The following GLI2 variants were observed in gnomAD, a reference collection of about 807,000 sequenced individuals.
GLI2 encodes the protein GLI family zinc finger 2.
A neutral mutation model predicts 78.9 loss-of-function variants in GLI2; 22 were observed. The observed-to-expected ratio is 0.28, with a 90% CI of 0.20 to 0.40. The LOEUF is 0.40. GLI2 is among the 10% of genes least tolerant of loss of function. The pLI, the probability that GLI2 is intolerant of heterozygous loss-of-function variation, is 1.00. For synonymous variants in GLI2, 974 were observed against 963.7 expected, an observed-to-expected ratio of 1.01 and a Z score of -0.20; for missense variants, 2,097 against 2,213.2, an observed-to-expected ratio of 0.95 and a Z score of 1.05.
At chr2:120,798,985 C>A (rs1469132059) in intron 2 of GLI2, among the ~76,000 whole-genome samples, 4 of 152,232 alleles carry the variant, frequency 2.6e-5, no homozygotes, top group Non-Finnish European at 4.4e-5. Flanking sequence ...CCACACCCTG[C>A]CTCTCCAAGC....
chr2:120,793,776 C>T (rs576535087), intron 1 of GLI2, among the ~76,000 whole-genome samples: 3 of 152,270 alleles, frequency 2.0e-5, no homozygotes, highest in South Asian at 4.1e-4. Flanking sequence ...GAATAAATGC[C>T]CCTCCTCCCT....
At chr2:120,859,370 G>A (rs1274897587) in intron 2 of GLI2, among the ~76,000 whole-genome samples, 1 of 152,118 alleles carries the variant, frequency 6.6e-6, no homozygotes, top group African/African-American at 2.4e-5. Flanking sequence ...TTGAAGGAAG[G>A]GCTGTTTCCT....
At chr2:120,918,366 A>G (rs1679198619) in intron 2 of GLI2, among the ~76,000 whole-genome samples, 1 of 151,908 alleles carries the variant, frequency 6.6e-6, no homozygotes, top group African/African-American at 2.4e-5. Context: ...GACCCTTGTC[A>G]CATCTGCTCA....
intron 5 of GLI2, among the ~76,000 whole-genome samples, chr2:120,967,722 C>T (rs1410077872): frequency 6.6e-6 from 1 of 152,234 alleles, no homozygotes; most frequent in Non-Finnish European, 1.5e-5. Flanking sequence ...GATGTGTGCA[C>T]CTGCGTACAT....
At chr2:120,968,325 A>G (rs1681957506) in intron 5 of GLI2, among the ~76,000 whole-genome samples, 1 of 152,156 alleles carries the variant, frequency 6.6e-6, no homozygotes, top group South Asian at 2.1e-4. Context: ...CTGGCTTCCC[A>G]GGTGGGCTAA....
intron 1 of GLI2, among the ~76,000 whole-genome samples, chr2:120,792,683 C>T (rs978040278): frequency 7.9e-5 from 12 of 152,276 alleles, no homozygotes; most frequent in East Asian, 7.7e-4. Context: ...AGTGCAGTGG[C>T]GCGGTCTTGC....
chr2:120,853,641 C>T (rs914519852), intron 2 of GLI2, among the ~76,000 whole-genome samples: 2 of 152,204 alleles, frequency 1.3e-5, no homozygotes, highest in Non-Finnish European at 2.9e-5. Context: ...TCATACTTTC[C>T]TTCATTTTCC....
At chr2:120,828,974 AG>A (rs1032526241) in intron 2 of GLI2, among the ~76,000 whole-genome samples, 9 of 151,956 alleles carry the variant, frequency 5.9e-5, no homozygotes, top group African/African-American at 1.9e-4. Flanking sequence ...AGAAACACAC[AG>A]CACTTGCTCC....
At chr2:120,762,842 C>T (rs1683254307) in intron 1 of GLI2, among the ~76,000 whole-genome samples, 1 of 152,196 alleles carries the variant, frequency 6.6e-6, no homozygotes, top group African/African-American at 2.4e-5. Context: ...CACCTGAGGG[C>T]CCTTGGTTCA....
chr2:120,771,234 C>G (rs895373658), intron 1 of GLI2, among the ~76,000 whole-genome samples: 4 of 152,198 alleles, frequency 2.6e-5, no homozygotes, highest in Non-Finnish European at 5.9e-5. Context: ...AGGACCCTTC[C>G]CTGTGTCGCT....
intron 2 of GLI2, among the ~76,000 whole-genome samples, chr2:120,898,043 G>T (rs1481580668): frequency 6.6e-6 from 1 of 152,020 alleles, no homozygotes; most frequent in Non-Finnish European, 1.5e-5. Context: ...GTGATTTTCA[G>T]TGAAGGGGGA....
rs1305489595 is a variant in GLI2, at chr2:120,800,937, CAG to C, written c.148+3470_148+3471del. ...GAAACAGCCAAATCCTGCAAGCTGT[CAG>C]GGGCTGTTTCCTGGCATCTGTAAGG... On this transcript the variant is annotated intron_variant, in intron 2 of 13. Coordinates refer to ENST00000361492, the MANE Select transcript of GLI2 (RefSeq NM_001374353.1). The surrounding 1 kb of genome is among the most constrained non-coding windows in gnomAD (Gnocchi z 4.1). 6.6e-6 allele frequency among the ~76,000 whole-genome samples: 1 copy of C among 152,212 alleles called. No homozygotes were observed. The highest frequency in any genetic ancestry group is 1.5e-5 in the Non-Finnish European group (1 of 68,030).
chr2:120,803,328 G>A (rs1422719353), intron 2 of GLI2, among the ~76,000 whole-genome samples: 1 of 151,740 alleles, frequency 6.6e-6, no homozygotes, highest in African/African-American at 2.4e-5. Context: ...CATTCCTTGA[G>A]TTAGCACATG....
chr2:120,736,877 C>T (rs1011195395), intron 1 of GLI2, among the ~76,000 whole-genome samples: 1 of 149,338 alleles, frequency 6.7e-6, no homozygotes, highest in Non-Finnish European at 1.5e-5. Context: ...CCTCCTCGGC[C>T]CCCCCTCTTT....
At chr2:120,857,421 CCACCCACCCACCTACCTACCCATCTGCT>C (rs1558837279) in intron 2 of GLI2, among the ~76,000 whole-genome samples, 2 of 111,198 alleles carry the variant, frequency 1.8e-5, no homozygotes, top group Non-Finnish European at 3.7e-5. Flanking sequence ...ATCTGCCCAC[CCACCCACCCACCTACCTACCCATCTGCT>C]CACCCACCCA....
intron 3 of GLI2, among the ~76,000 whole-genome samples, chr2:120,949,811 G>A (rs1004944931): frequency 2.0e-5 from 3 of 152,226 alleles, no homozygotes; most frequent in Non-Finnish European, 2.9e-5. Flanking sequence ...CCAGATGTGA[G>A]GACATCTGGA....
Position 120,971,987 on chromosome 2 carries a change from T to C in GLI2, c.1106T>C (p.Val369Ala), listed in dbSNP as rs377454502. 65 of 1,613,662 alleles carry C rather than the reference T, an allele frequency of 4.0e-5. No individual in the cohort carries two copies. The African/African-American group carries it at 7.7e-4, about 19-fold the overall frequency. ...GCCGTCAGCAGCACCGTCAACCCTG[T>C]CGCCATTCACAAGCGCAGCAAGGTC... ...ESAVSSTVNP[V>A]AIHKRSKVKT... The change falls in exon 8 of 14, where the codon GTC becomes GCC. Residue 369 changes from valine to alanine, a missense_variant. This residue lies in a region of GLI2 where 578 missense variants were observed against 612.0 expected (regional missense o/e 0.94). Coordinates refer to ENST00000361492, the MANE Select transcript of GLI2 (RefSeq NM_001374353.1).
At position 120,820,937 on chromosome 2, in the gene GLI2, C is replaced by T. The variant is rs550686637; in HGVS notation, c.148+23469C>T. Among the ~76,000 whole-genome samples, 5 of 152,170 alleles carry T rather than the reference C, an allele frequency of 3.3e-5. No individual in the cohort carries two copies. The East Asian group carries it at 7.8e-4, about 24-fold the overall frequency. On this transcript the variant is annotated intron_variant, in intron 2 of 13. Transcript: ENST00000361492. ...ACATGTTTTCTCATCTGTCTGTGAC[C>T]AGGAGGCGTTTCGAAGGGCTTGCCA...
chr2:120,953,301 TG>T (rs1485241583), intron 4 of GLI2, among the ~76,000 whole-genome samples: 1 of 151,958 alleles, frequency 6.6e-6, no homozygotes, highest in African/African-American at 2.4e-5. Flanking sequence ...GAGGCACAGA[TG>T]GGAGTAATAT....
Sources: allele counts gnomAD v4.1 joint callset (sites outside exome capture counted in the v4.1 genomes callset), GRCh38; gene constraint gnomAD v4.1.1; regional missense constraint gnomAD v4.1.1; non-coding constraint Gnocchi (gnomAD v3.1); transcripts MANE v1.5; gene names NCBI Gene and HGNC (gene_info 2026-07-23, HGNC 2026-07-21).